SMPDL3A: variants seen among roughly 807,000 people sequenced by gnomAD.
The protein encoded by SMPDL3A is sphingomyelin phosphodiesterase acid like 3A, also known as cyclic GMP-AMP phosphodiesterase SMPDL3A.
SMPDL3A carries 39 observed loss-of-function variants against 38.5 expected under a neutral mutation model. The ratio of observed to expected loss-of-function variants is 1.01; its 90% CI spans 0.78 to 1.32. SMPDL3A has a LOEUF of 1.32. Among genes scored for constraint, SMPDL3A ranks in the 40% most tolerant of loss-of-function variants. The pLI is 0.00. For missense variants in SMPDL3A, 502 were observed against 536.2 expected (o/e 0.94, Z 0.63); for synonymous variants, 180 against 194.3 (o/e 0.93, Z 0.61).
rs1397240851 is a variant in SMPDL3A, at chr6:122,803,610, T to C, written c.569-54T>C. On this transcript the variant is annotated intron_variant, in intron 4 of 7. Coordinates refer to ENST00000368440, the MANE Select transcript of SMPDL3A (RefSeq NM_006714.5). ...AAACCTCAGGAATTTGCTTTCACAA[T>C]GTTTGTGTGTATGTGTATGTTTTCC... is the stretch of plus-strand genomic sequence containing the variant. The C allele has an allele frequency of 2.2e-6, 3 of 1,393,716 alleles. No individual in the cohort carries two copies. The Admixed American group carries it at 5.6e-5, about 26-fold the overall frequency. 86.3% of individuals were successfully genotyped at this position (1,393,716 alleles called of 1,614,324 possible).
chr6:122,808,695 A>G (rs1448546389), intron 7 of SMPDL3A, among the ~76,000 whole-genome samples: 3 of 124,408 alleles, frequency 2.4e-5, no homozygotes, highest in African/African-American at 9.3e-5. Context: ...ATTTATTGAG[A>G]CAAAGTCTTG....
chr6:122,807,841 G>T (rs779616760), intron 7 of SMPDL3A, among the ~76,000 whole-genome samples: 6 of 152,070 alleles, frequency 3.9e-5, no homozygotes, highest in Non-Finnish European at 7.4e-5. Flanking sequence ...AAACAATTGT[G>T]TGATAAATTA....
rs1780972229 is a variant in SMPDL3A, at chr6:122,789,290, C to A, written c.-57C>A. 1.6e-6 allele frequency: 2 copies of A among 1,270,084 alleles called. No individual in the cohort carries two copies. The highest frequency in any genetic ancestry group is 2.6e-5 in the East Asian group (1 of 38,368). 78.7% of individuals were successfully genotyped at this position (1,270,084 alleles called of 1,614,324 possible). A position where few individuals can be genotyped will look rare whatever the true frequency, so the allele number is the denominator to read the frequency against. On this transcript the variant is annotated 5_prime_UTR_variant, in exon 1 of 8. Coordinates refer to ENST00000368440, the MANE Select transcript of SMPDL3A (RefSeq NM_006714.5). ...GTCTCCGCCTCACCCTCAGGCCTGA[C>A]GGTCCGAGTGGAGCTGCGGGACAGC... is the stretch of plus-strand genomic sequence containing the variant.
intron 1 of SMPDL3A, among the ~76,000 whole-genome samples, chr6:122,795,435 G>C (rs1781212988): frequency 6.6e-6 from 1 of 151,906 alleles, no homozygotes; most frequent in Admixed American, 6.6e-5. Flanking sequence ...GAGCCACCGC[G>C]CCCGGCCTGA....
intron 1 of SMPDL3A, among the ~76,000 whole-genome samples, chr6:122,792,639 T>TTC: frequency 9.5e-6 from 1 of 104,926 alleles, no homozygotes; most frequent in East Asian, 2.6e-4. Flanking sequence ...CTTCTTCCCC[T>TTC]TTTTTTTTTT....
intron 1 of SMPDL3A, among the ~76,000 whole-genome samples, chr6:122,793,787 T>G (rs1418212710): frequency 6.6e-6 from 1 of 152,168 alleles, no homozygotes; most frequent in Non-Finnish European, 1.5e-5. Context: ...CCTTTCACCT[T>G]AACGTATCAA....
intron 3 of SMPDL3A, among the ~76,000 whole-genome samples, chr6:122,799,426 G>T (rs1309277965): frequency 6.6e-6 from 1 of 152,166 alleles, no homozygotes; most frequent in Non-Finnish European, 1.5e-5. Flanking sequence ...TAACTTCTCT[G>T]GTGCTTGTGT....
At position 122,796,856 on chromosome 6, in the gene SMPDL3A, T is replaced by C. The variant is rs747992468; in HGVS notation, c.359T>C (p.Leu120Pro). ...CCACCTCATGTTCCTGTACCTGAAC[T>C]CTCAACAGACACTGTTATAAATGTG... is the stretch of plus-strand genomic sequence containing the variant. ...DSPPHVPVPE[L>P]STDTVINVIT... The change falls in exon 3 of 8, where the codon CTC becomes CCC. Residue 120 changes from leucine (L) to proline (P), a missense_variant. Transcript: ENST00000368440. 6.2e-7 allele frequency: 1 copy of C among 1,613,160 alleles called. No individual in the cohort carries two copies. Among genetic ancestry groups the C allele is most frequent in the Admixed American group, 1.7e-5 (1 of 59,960 alleles).
chr6:122,806,214 G>A lies in SMPDL3A; in HGVS notation c.920-19G>A. 6.2e-7 allele frequency: 1 copy of A among 1,600,688 alleles called. No individual in the cohort carries two copies. Among genetic ancestry groups the A allele is most frequent in the African/African-American group, 1.3e-5 (1 of 74,680 alleles). The stretch of plus-strand genomic sequence containing the variant: ...CTCTTATTTAAAAATGTATGTTTAT[G>A]TGCATACGTTTTGTTCAGGAAGTCC... On this transcript the variant is annotated intron_variant, in intron 6 of 7. Coordinates refer to ENST00000368440, the MANE Select transcript of SMPDL3A (RefSeq NM_006714.5).
intron 7 of SMPDL3A, among the ~76,000 whole-genome samples, chr6:122,808,137 C>T (rs1781697350): frequency 6.6e-6 from 1 of 152,098 alleles, no homozygotes; most frequent in African/African-American, 2.4e-5. Flanking sequence ...TAGTAAGACT[C>T]CATTTTTTTG....
chr6:122,790,243 C>T (rs1206164230), intron 1 of SMPDL3A, among the ~76,000 whole-genome samples: 1 of 152,168 alleles, frequency 6.6e-6, no homozygotes, highest in Non-Finnish European at 1.5e-5. Flanking sequence ...TCTGAAACGC[C>T]GGCGTTGGGC....
intron 1 of SMPDL3A, among the ~76,000 whole-genome samples, chr6:122,791,645 AAC>A (rs150055730): frequency 3.9e-5 from 6 of 152,150 alleles, no homozygotes; most frequent in African/African-American, 9.7e-5. Flanking sequence ...AGATTTGCTG[AAC>A]ACACACACAT....
At chr6:122,792,637 CCT>C (rs1781113463) in intron 1 of SMPDL3A, among the ~76,000 whole-genome samples, 2 of 145,604 alleles carry the variant, frequency 1.4e-5, no homozygotes, top group Admixed American at 1.4e-4. Context: ...TTCTTCTTCC[CCT>C]TTTTTTTTTT....
At position 122,797,960 on chromosome 6, in the gene SMPDL3A, G is replaced by A. The variant is rs571877189; in HGVS notation, c.471+992G>A. ...ATCTTTTTACCTCAGATCTGTGTTC[G>A]CTTAAACCAACATCCTTTTGCACAT... On this transcript the variant is annotated intron_variant, in intron 3 of 7. Coordinates refer to ENST00000368440, the MANE Select transcript of SMPDL3A (RefSeq NM_006714.5). Among the ~76,000 whole-genome samples the A allele has an allele frequency of 1.4e-4, 22 of 152,144 alleles. No homozygotes were observed. In the East Asian group the frequency reaches 2.7e-3, roughly 19 times the overall value.
In SMPDL3A at chr6:122,795,702, A is replaced by G. The variant is rs753168808; in HGVS notation, c.138A>G (p.Leu46=). Residue 46 remains leucine (L), a synonymous_variant, in exon 2 of 8, where the codon TTA becomes TTG. Coordinates refer to ENST00000368440, the MANE Select transcript of SMPDL3A (RefSeq NM_006714.5). ...GACAGTTTTGGCATGTGACTGACTT[A>G]CACTTAGACCCTACTTACCACATCA... ...AIGQFWHVTD[L]HLDPTYHITD... 7 of 1,614,126 alleles carry G rather than the reference A, an allele frequency of 4.3e-6. No homozygotes were observed. In the East Asian group the frequency reaches 1.3e-4, roughly 31 times the overall value.
intron 1 of SMPDL3A, among the ~76,000 whole-genome samples, chr6:122,791,077 G>C (rs975828914): frequency 2.6e-5 from 4 of 152,190 alleles, no homozygotes; most frequent in Non-Finnish European, 5.9e-5. Flanking sequence ...TTTTCCACTT[G>C]ATGTGACAAC....
At chr6:122,800,605 T>A (rs1286930198) in intron 3 of SMPDL3A, among the ~76,000 whole-genome samples, 3 of 152,340 alleles carry the variant, frequency 2.0e-5, no homozygotes, top group African/African-American at 7.2e-5. Context: ...CCTGTGCCTA[T>A]GCCTATGCCT....
intron 1 of SMPDL3A, among the ~76,000 whole-genome samples, chr6:122,794,470 A>G (rs562710897): frequency 3.3e-5 from 5 of 152,114 alleles, no homozygotes; most frequent in Non-Finnish European, 5.9e-5. Flanking sequence ...GGTGGCGTGC[A>G]CCTGTAATCC....
chr6:122,795,438 C>A (rs141131041), intron 1 of SMPDL3A, among the ~76,000 whole-genome samples: 23 of 152,098 alleles, frequency 1.5e-4, no homozygotes, highest in Middle Eastern at 3.4e-3. Flanking sequence ...CCACCGCGCC[C>A]GGCCTGAGCT....
Sources: gnomAD v4.1 joint callset for allele counts (sites outside exome capture counted in the v4.1 genomes callset) on GRCh38, gnomAD v4.1.1 for gene constraint, MANE v1.5 for transcripts, NCBI Gene and HGNC (gene_info 2026-07-23, HGNC 2026-07-21) for gene names.